CNTNAP5: variants seen among roughly 807,000 people sequenced by gnomAD.
CNTNAP5 encodes the protein contactin associated protein family member 5.
In CNTNAP5, 72 loss-of-function variants were observed where a neutral mutation model predicts 150.2. The observed-to-expected ratio is 0.48, with a 90% CI of 0.40 to 0.58. The LOEUF is 0.58. Among genes scored for constraint, CNTNAP5 ranks in the 20% least tolerant of loss-of-function variants. CNTNAP5 has a pLI of 0.00. For missense variants in CNTNAP5, 1,636 were observed against 1,626.2 expected (o/e 1.01, Z -0.10); for synonymous variants, 672 against 619.8 (o/e 1.08, Z -1.25).
intron 3 of CNTNAP5, among the ~76,000 whole-genome samples, chr2:124,260,330 C>A (rs1178401595): frequency 6.6e-6 from 1 of 152,186 alleles, no homozygotes; most frequent in African/African-American, 2.4e-5. Flanking sequence ...AAAGCTGAAA[C>A]TGGATCCCTT....
intron 19 of CNTNAP5, among the ~76,000 whole-genome samples, chr2:124,824,201 A>G (rs1314927507): frequency 6.6e-6 from 1 of 151,980 alleles, no homozygotes; most frequent in Non-Finnish European, 1.5e-5. Context: ...TACAGGCATG[A>G]GCTACCATGC....
intron 1 of CNTNAP5, among the ~76,000 whole-genome samples, chr2:124,118,566 A>G (rs1558762562): frequency 6.6e-6 from 1 of 152,174 alleles, no homozygotes; most frequent in Admixed American, 6.5e-5. Flanking sequence ...TTGAGAGAAC[A>G]TGAAGAGTGT....
chr2:124,416,375 A>G (rs1012786950), intron 3 of CNTNAP5, among the ~76,000 whole-genome samples: 2 of 142,610 alleles, frequency 1.4e-5, no homozygotes, highest in African/African-American at 5.3e-5. Flanking sequence ...TTTTTTTCTG[A>G]TGAGTAGTTC....
At chr2:124,623,476 A>T (rs977670774) in intron 12 of CNTNAP5, among the ~76,000 whole-genome samples, 1 of 152,218 alleles carries the variant, frequency 6.6e-6, no homozygotes, top group Non-Finnish European at 1.5e-5. Flanking sequence ...CTTCTGAATT[A>T]CTATATTATT....
intron 7 of CNTNAP5, among the ~76,000 whole-genome samples, chr2:124,501,879 A>G (rs1213221584): frequency 1.3e-5 from 2 of 152,048 alleles, no homozygotes; most frequent in Non-Finnish European, 2.9e-5. Flanking sequence ...TTTCTCTCCT[A>G]CTTGCCTTTG....
chr2:124,432,053 G>A (rs992702079), intron 4 of CNTNAP5, among the ~76,000 whole-genome samples: 3 of 152,140 alleles, frequency 2.0e-5, no homozygotes, highest in Admixed American at 6.5e-5. Context: ...AGAGTATAGT[G>A]GTGGTATGAG....
intron 3 of CNTNAP5, among the ~76,000 whole-genome samples, chr2:124,352,050 A>G (rs116090810): frequency 1.1e-3 from 164 of 152,188 alleles, no homozygotes; most frequent in African/African-American, 3.8e-3. Context: ...GCGTGAAGCT[A>G]TTTCTTTAGA....
intron 10 of CNTNAP5, among the ~76,000 whole-genome samples, chr2:124,537,735 T>G (rs1695272724): frequency 6.6e-6 from 1 of 152,210 alleles, no homozygotes; most frequent in African/African-American, 2.4e-5. Flanking sequence ...AGGGGGAACC[T>G]GGATTTGATT....
At chr2:124,641,374 TC>T (rs1678090731) in intron 12 of CNTNAP5, among the ~76,000 whole-genome samples, 1 of 151,914 alleles carries the variant, frequency 6.6e-6, no homozygotes, top group African/African-American at 2.4e-5. Context: ...AGCTCAAGCT[TC>T]CCCTCATCAC....
chr2:124,797,572 G>A (rs1295200278), intron 18 of CNTNAP5, among the ~76,000 whole-genome samples: 3 of 152,136 alleles, frequency 2.0e-5, no homozygotes, highest in Non-Finnish European at 2.9e-5. Context: ...TGTTCTTCAT[G>A]ATTTACCAAC....
intron 14 of CNTNAP5, among the ~76,000 whole-genome samples, chr2:124,757,572 T>C (rs1423399943): frequency 6.6e-6 from 1 of 152,230 alleles, no homozygotes; most frequent in Non-Finnish European, 1.5e-5. Context: ...AATCCTGGCC[T>C]TTCCATTTGC....
At chr2:124,194,014 C>A (rs545753441) in intron 1 of CNTNAP5, among the ~76,000 whole-genome samples, 1 of 152,078 alleles carries the variant, frequency 6.6e-6, no homozygotes, top group Non-Finnish European at 1.5e-5. Flanking sequence ...TCAACCTTAG[C>A]TTGCATCTTT....
At chr2:124,716,475 A>G (rs1448335872) in intron 13 of CNTNAP5, among the ~76,000 whole-genome samples, 2 of 151,884 alleles carry the variant, frequency 1.3e-5, no homozygotes, top group Non-Finnish European at 2.9e-5. Flanking sequence ...AGTACAAGCT[A>G]TAACTTATAT....
chr2:124,179,052 G>A (rs968341564), intron 1 of CNTNAP5, among the ~76,000 whole-genome samples: 1 of 151,370 alleles, frequency 6.6e-6, no homozygotes, highest in African/African-American at 2.4e-5. Context: ...ATTGATATTA[G>A]TGTTTCACCC....
intron 11 of CNTNAP5, among the ~76,000 whole-genome samples, chr2:124,566,338 T>C (rs1437084934): frequency 2.6e-5 from 4 of 152,198 alleles, no homozygotes; most frequent in Non-Finnish European, 5.9e-5. Flanking sequence ...AAAAGTAATT[T>C]AACAATTTTT....
At chr2:124,079,769 T>C (rs1682519431) in intron 1 of CNTNAP5, among the ~76,000 whole-genome samples, 1 of 152,200 alleles carries the variant, frequency 6.6e-6, no homozygotes, top group African/African-American at 2.4e-5. Context: ...ATTTATTTCA[T>C]ATGATGGGAC....
intron 13 of CNTNAP5, among the ~76,000 whole-genome samples, chr2:124,673,264 A>T (rs1025736463): frequency 2.0e-5 from 3 of 152,112 alleles, no homozygotes; most frequent in Non-Finnish European, 2.9e-5. Context: ...ATTTAAAAGC[A>T]CTAACATGTT....
At chr2:124,122,034 G>T (rs1683574636) in intron 1 of CNTNAP5, among the ~76,000 whole-genome samples, 1 of 152,168 alleles carries the variant, frequency 6.6e-6, no homozygotes, top group African/African-American at 2.4e-5. Flanking sequence ...GCTAATTCAT[G>T]ATGGGGAGAA....
At chr2:124,362,102 C>G (rs1358662174) in intron 3 of CNTNAP5, among the ~76,000 whole-genome samples, 2 of 152,356 alleles carry the variant, frequency 1.3e-5, no homozygotes, top group African/African-American at 4.8e-5. Flanking sequence ...CTTTCTTTGA[C>G]TCGGAAAGGG....
Sources: gnomAD v4.1 joint callset for allele counts (sites outside exome capture counted in the v4.1 genomes callset) on GRCh38, gnomAD v4.1.1 for gene constraint, MANE v1.5 for transcripts, NCBI Gene and HGNC (gene_info 2026-07-23, HGNC 2026-07-21) for gene names.